NOTCH3: variants seen among roughly 807,000 people sequenced by gnomAD.
NOTCH3 encodes the protein neurogenic locus notch homolog protein 3.
Under a neutral mutation model 213.3 loss-of-function variants are expected in NOTCH3, and 86 were observed. The observed-to-expected ratio is 0.40, with a 90% confidence interval of 0.34 to 0.48. The LOEUF (loss-of-function observed/expected upper bound fraction) is 0.48. NOTCH3 is among the 20% of genes least tolerant of loss of function. The pLI, the probability that NOTCH3 is intolerant of heterozygous loss-of-function variation, is 0.57. For synonymous variants in NOTCH3, 1,354 were observed against 1,355.9 expected, an observed-to-expected ratio of 1.00 and a Z score of 0.03; for missense variants, 2,783 against 3,272.6, an observed-to-expected ratio of 0.85 and a Z score of 3.65.
At chr19:15,191,303 G>T (rs2046924652) in intron 6 of NOTCH3, 121 bp downstream of exon 6, 3 of 921,616 alleles carry the variant, frequency 3.3e-6, no homozygotes, top group Non-Finnish European at 5.1e-6. Context: ...AAAGTGCTAT[G>T]ATTACAGGCA....
In NOTCH3 at chr19:15,187,946, G is replaced by A. The variant is rs1354107566; in HGVS notation, c.1541C>T (p.Thr514Met). The A allele has an allele frequency of 3.9e-6, 6 of 1,550,536 alleles. No homozygotes were observed. The highest frequency in any genetic ancestry group is 1.2e-5 in the South Asian group (1 of 84,020). Residue 514 changes from threonine (T) to methionine (M), a missense_variant, in exon 10 of 33, where the codon ACG (threonine) becomes ATG (methionine). Physicochemically the swap from Thr to Met is moderately conservative, Grantham distance 81. Around this residue, in one of 6 missense-constraint regions of NOTCH3, gnomAD observed 708 missense variants for 906.6 expected, o/e 0.78. Coordinates refer to ENST00000263388, the MANE Select transcript of NOTCH3 (RefSeq NM_000435.3). ...CQLDVDECAS[T>M]PCRNGAKCVD... is the part of the protein sequence containing the mutation. ...GCATTTGGCGCCATTCCTGCAGGGC[G>A]TGCTGGCGCATTCGTCCACGTCCAG...
chr19:15,173,931 G>T, intron 25 of NOTCH3, 137 bp downstream of exon 25: 3 of 709,370 alleles, frequency 4.2e-6, no homozygotes, highest in Non-Finnish European at 4.5e-6. Flanking sequence ...GGCATTTTTT[G>T]CTTGTCACAG....
chr19:15,185,176 C>T lies in NOTCH3; in HGVS notation c.2296+81G>A, dbSNP rs2046870916. 5.2e-6 allele frequency: 8 copies of T among 1,544,762 alleles called. No individual in the cohort carries two copies. Among genetic ancestry groups the T allele is most frequent in the Admixed American group, 1.7e-5 (1 of 59,048 alleles). ...GAAAGCAAAAAAGAAGCTAACATAGCGGGAGGAGAGAGTAGAGGAGAAGAG... is the reference window on the plus strand; with the variant it reads ...GAAAGCAAAAAAGAAGCTAACATAGTGGGAGGAGAGAGTAGAGGAGAAGAG... On this transcript the variant is annotated intron_variant, in intron 14 of 32. Coordinates refer to ENST00000263388, the MANE Select transcript of NOTCH3 (RefSeq NM_000435.3). The surrounding 1 kb of genome is among the most constrained non-coding windows in gnomAD (Gnocchi z 4.2).
chr19:15,174,570 AATTT>A (rs1228814660), intron 24 of NOTCH3, among the ~76,000 whole-genome samples, 170 bp from the exon 25 acceptor site: 1 of 52,574 alleles, frequency 1.9e-5, no homozygotes, highest in Non-Finnish European at 3.6e-5. Flanking sequence ...TTCACTGGAT[AATTT>A]TTTTTTTTTT....
rs114661066 is a variant in NOTCH3 at position 15,165,994 on chromosome 19, G to T, written c.5460C>A (p.Ile1820=). Residue 1820 remains isoleucine, a synonymous_variant, in exon 30 of 33, where the codon ATC becomes ATA. Transcript: ENST00000263388. This position sits in a 1 kb window ranked among gnomAD's most constrained non-coding sequence, Gnocchi z 4.7. The part of the protein sequence containing the change: ...EDEADDTSAS[I]ISDLICQGAQ... ...CCCCCTGGCAGATCAGGTCGGAGAT[G>T]ATGCTAGCTGATGTGTCATCTGCCT... is the stretch of plus-strand genomic sequence containing the variant. The T allele has an allele frequency of 6.0e-5, 97 of 1,614,210 alleles. No homozygotes were observed. The East Asian group carries it at 1.9e-3, about 32-fold the overall frequency.
At position 15,187,310 on chromosome 19, in the gene NOTCH3, G is replaced by A. The variant is rs763667541; in HGVS notation, c.1635C>T (p.Asn545=). 11 of 1,613,836 alleles carry A rather than the reference G, an allele frequency of 6.8e-6. No homozygotes were observed. Among genetic ancestry groups the A allele is most frequent in the Admixed American group, 6.7e-5 (4 of 60,028 alleles). ...ATGGGTCAGGGGAGCAGTCGTCCACGTTGCGATCACACAGCGTGCCCTCAA... is the reference window on the plus strand; with the variant it reads ...ATGGGTCAGGGGAGCAGTCGTCCACATTGCGATCACACAGCGTGCCCTCAA... The part of the protein sequence containing the change: ...EGFEGTLCDR[N]VDDCSPDPCH... The change falls in exon 11 of 33, where the codon AAC becomes AAT. Residue 545 remains asparagine (N), a synonymous_variant. Transcript: ENST00000263388.
chr19:15,191,038 TA>T (rs200194791), intron 6 of NOTCH3, among the ~76,000 whole-genome samples: 2,891 of 138,434 alleles, frequency 0.021, 83 homozygotes, highest in African/African-American at 0.065. Context: ...ATCTTTTTTT[TA>T]TTTTTTAAAT....
At chr19:15,186,191 T>A (rs2046879892) in intron 12 of NOTCH3, among the ~76,000 whole-genome samples, 1 of 152,158 alleles carries the variant, frequency 6.6e-6, no homozygotes. Flanking sequence ...CTCGAACTCC[T>A]GGGCTCAAGT....
intron 23 of NOTCH3, chr19:15,178,346 C>T (rs893123131): frequency 6.6e-5 from 34 of 515,074 alleles, no homozygotes; most frequent in Non-Finnish European, 1.0e-4. Context: ...TCACCATCCT[C>T]ACCCTTTTCC....
rs1472208548 is a variant in NOTCH3, at chr19:15,174,185, C to T, written c.4619G>A (p.Arg1540His). 3.7e-6 allele frequency: 6 copies of T among 1,608,676 alleles called. No homozygotes were observed. Among genetic ancestry groups the T allele is most frequent in the Non-Finnish European group, 4.2e-6 (5 of 1,179,452 alleles). The change falls in exon 25 of 33, where the codon CGC becomes CAC. Residue 1540 changes from arginine to histidine, a missense_variant. Around this residue, in one of 6 missense-constraint regions of NOTCH3, gnomAD observed 636 missense variants for 801.8 expected, o/e 0.79. Coordinates refer to ENST00000263388, the MANE Select transcript of NOTCH3 (RefSeq NM_000435.3). ...GTCCAGGCGGAAGCGCAGCGAGGTG[C>T]GCAGGATGGCGCTGAGCCGCTGCAG... ...DFLQRLSAIL[R>H]TSLRFRLDAH... is the part of the protein sequence containing the mutation.
chr19:15,165,196 C>A lies in NOTCH3; in HGVS notation c.5815+172G>T, dbSNP rs2886698. The stretch of plus-strand genomic sequence containing the variant: ...CACCTTTTTCTAAATCCCTGAGGCA[C>A]CCTAAGGACTAGTGGTGACCCTGCA... On this transcript the variant is annotated intron_variant, in intron 31 of 32. Coordinates refer to ENST00000263388, the MANE Select transcript of NOTCH3 (RefSeq NM_000435.3). The surrounding 1 kb of genome is among the most constrained non-coding windows in gnomAD (Gnocchi z 4.7). 0.68 allele frequency among the ~76,000 whole-genome samples: 103,765 copies of A among 151,996 alleles called. 36,347 individuals carry two copies. Among genetic ancestry groups the A allele is most frequent in the Non-Finnish European group, 0.77 (52,519 of 67,990 alleles).
In NOTCH3 at chr19:15,170,756, G is replaced by T. The variant is rs578082632; in HGVS notation, c.4806C>A (p.Pro1602=). ...LQSPENDHCF[P]DAQSAADYLG... Reference sequence around the variant, plus strand: ...GGTAGTCAGCGGCGCTCTGGGCATCGGGGAAGCAGTGATCATTCTCAGGCG... The same window carrying T: ...GGTAGTCAGCGGCGCTCTGGGCATCTGGGAAGCAGTGATCATTCTCAGGCG... The change falls in exon 26 of 33, where the codon CCC becomes CCA. Residue 1602 remains proline (P), a synonymous_variant. Transcript: ENST00000263388. 5 of 1,612,098 alleles carry T rather than the reference G, an allele frequency of 3.1e-6. No individual in the cohort carries two copies. The highest frequency in any genetic ancestry group is 4.2e-6 in the Non-Finnish European group (5 of 1,179,410).
At chr19:15,190,483 A>G (rs1024718833) in intron 6 of NOTCH3, among the ~76,000 whole-genome samples, 1 of 151,920 alleles carries the variant, frequency 6.6e-6, no homozygotes, top group South Asian at 2.1e-4. Flanking sequence ...CCCCATTCCA[A>G]TGGCTTCTGC....
At chr19:15,199,755 G>A (rs535894205) in intron 1 of NOTCH3, among the ~76,000 whole-genome samples, 122 of 152,240 alleles carry the variant, frequency 8.0e-4, no homozygotes, top group African/African-American at 2.9e-3. Context: ...GTCCTGCCCC[G>A]TCCGGGCCCC....
chr19:15,165,632 G>T lies in NOTCH3; in HGVS notation c.5668-117C>A. The T allele has an allele frequency of 7.9e-7, 1 of 1,269,754 alleles. No individual in the cohort carries two copies. Among genetic ancestry groups the T allele is most frequent in the Non-Finnish European group, 1.1e-6 (1 of 908,298 alleles). The allele number at this position is 1,269,754 out of a possible 1,614,324, so 78.7% of individuals were successfully genotyped here. On this transcript the variant is annotated intron_variant, in intron 30 of 32. Coordinates refer to ENST00000263388, the MANE Select transcript of NOTCH3 (RefSeq NM_000435.3). The surrounding 1 kb of genome is among the most constrained non-coding windows in gnomAD (Gnocchi z 4.7). The stretch of plus-strand genomic sequence containing the variant: ...TACCCCAACCCCTGAAATTGGTGAG[G>T]TTCAGGGAGCAGCTGCTTGACAGAT...
intron 2 of NOTCH3, among the ~76,000 whole-genome samples, chr19:15,197,220 G>A (rs2046975690): frequency 6.6e-6 from 1 of 152,220 alleles, no homozygotes; most frequent in African/African-American, 2.4e-5. Flanking sequence ...GTGAAGCTGG[G>A]ATTACTGGGC....
rs2046826979 is a variant in NOTCH3, at chr19:15,180,113, C to T, written c.3286G>A (p.Gly1096Arg). 1.2e-6 allele frequency: 2 copies of T among 1,612,994 alleles called. No individual in the cohort carries two copies. Among genetic ancestry groups the T allele is most frequent in the African/African-American group, 2.7e-5 (2 of 74,962 alleles). The change falls in exon 20 of 33, where the codon GGG becomes AGG. Residue 1096 changes from glycine (G) to arginine (R), a missense_variant. Coordinates refer to ENST00000263388, the MANE Select transcript of NOTCH3 (RefSeq NM_000435.3). ...CCCATATAGCCACGGCAGGTCCCCCCATGCTGGCAGGGCTGGGCCAAGCAG... is the reference window on the plus strand; with the variant it reads ...CCCATATAGCCACGGCAGGTCCCCCTATGCTGGCAGGGCTGGGCCAAGCAG... ...DPCLAQPCQHGGTCRGYMGGY... is the reference protein window; with the variant it reads ...DPCLAQPCQHRGTCRGYMGGY...
intron 26 of NOTCH3, 41 bp downstream of exon 26, chr19:15,170,630 A>G (rs1413430026): frequency 2.3e-6 from 2 of 887,682 alleles, no homozygotes; most frequent in Non-Finnish European, 3.3e-6. Flanking sequence ...GGCCGCCCCC[A>G]GCTCCGCCCC....
At chr19:15,181,908 A>T (rs2046845270) in intron 16 of NOTCH3, 107 bp from the exon 17 acceptor site, 19 of 941,012 alleles carry the variant, frequency 2.0e-5, no homozygotes, top group Non-Finnish European at 2.9e-5. Context: ...ACCAGGTTCA[A>T]CTGGGATGGG....
Sources: gnomAD v4.1 joint callset for allele counts (sites outside exome capture counted in the v4.1 genomes callset) on GRCh38, gnomAD v4.1.1 for gene constraint, gnomAD v4.1.1 regional missense constraint, Gnocchi (gnomAD v3.1) non-coding constraint, MANE v1.5 for transcripts, NCBI Gene and HGNC (gene_info 2026-07-23, HGNC 2026-07-21) for gene names.